The following SLC25A48 variants were observed in gnomAD, a reference collection of about 807,000 sequenced individuals.
SLC25A48 encodes solute carrier family 25 member 48.
Under a neutral mutation model 32.2 loss-of-function variants are expected in SLC25A48, and 29 were observed. That is an observed-to-expected ratio of 0.90 (90% CI 0.67 to 1.23). SLC25A48 has a LOEUF of 1.23. Ranked by LOEUF, SLC25A48 falls within the 50% of genes most tolerant of loss-of-function variation. The pLI is 0.00. For synonymous variants in SLC25A48, 164 were observed against 172.3 expected (o/e 0.95, Z 0.38); for missense variants, 399 against 422.7 (o/e 0.94, Z 0.49).
At chr5:135,785,156 G>A (rs78018149) in intron 3 of SLC25A48, among the ~76,000 whole-genome samples, 5,313 of 152,204 alleles carry the variant, frequency 0.035, 122 homozygotes, top group Non-Finnish European at 0.046. Flanking sequence ...CAGATTGTTC[G>A]TAATATGTAG....
intron 3 of SLC25A48, among the ~76,000 whole-genome samples, chr5:135,681,230 T>C (rs1312668084): frequency 2.0e-5 from 3 of 152,238 alleles, no homozygotes; most frequent in Non-Finnish European, 4.4e-5. Flanking sequence ...CACCTCGGCC[T>C]CCCAAAGTGC....
chr5:135,684,042 GA>G (rs1396806708), intron 3 of SLC25A48, among the ~76,000 whole-genome samples: 1 of 152,120 alleles, frequency 6.6e-6, no homozygotes, highest in Non-Finnish European at 1.5e-5. Context: ...CGGTTTTCTT[GA>G]ACATCTTCCA....
chr5:135,880,221 G>T (rs1762367139), intron 7 of SLC25A48, 124 bp downstream of exon 7: 1 of 1,358,334 alleles, frequency 7.4e-7, no homozygotes, highest in African/African-American at 1.5e-5. Flanking sequence ...CTAATCTGTG[G>T]TAGGCTGGGG....
At chr5:135,811,272 A>G (rs542096354) in intron 3 of SLC25A48, among the ~76,000 whole-genome samples, 54 of 152,362 alleles carry the variant, frequency 3.5e-4, no homozygotes, top group Admixed American at 9.8e-4. Context: ...CATTTGTGAC[A>G]TGGATGAGCC....
intron 3 of SLC25A48, among the ~76,000 whole-genome samples, chr5:135,707,672 C>A (rs185088523): frequency 6.6e-5 from 10 of 152,222 alleles, no homozygotes; most frequent in Non-Finnish European, 1.2e-4. Context: ...TCAGAGAGGC[C>A]ACCTGTGACC....
chr5:135,611,679 G>A (rs762359687), intron 1 of SLC25A48, among the ~76,000 whole-genome samples: 12 of 152,078 alleles, frequency 7.9e-5, no homozygotes, highest in East Asian at 1.9e-4. Context: ...ACCTCTGCAC[G>A]CCCACCTGGG....
At chr5:135,837,770 T>G (rs1415328940) in intron 1 of SLC25A48, among the ~76,000 whole-genome samples, 1 of 152,206 alleles carries the variant, frequency 6.6e-6, no homozygotes, top group Non-Finnish European at 1.5e-5. Context: ...TTGTGTGGCC[T>G]CCCCAGCCAT....
At chr5:135,786,529 A>G (rs1172557352) in intron 3 of SLC25A48, among the ~76,000 whole-genome samples, 1 of 152,104 alleles carries the variant, frequency 6.6e-6, no homozygotes, top group Non-Finnish European at 1.5e-5. Context: ...CCGTGGCTGT[A>G]TCTGATGTTT....
intron 3 of SLC25A48, among the ~76,000 whole-genome samples, chr5:135,679,914 C>T (rs947312315): frequency 1.3e-5 from 2 of 152,054 alleles, no homozygotes; most frequent in African/African-American, 2.4e-5. Context: ...CCAGGCGTAC[C>T]CCCTAGGTTA....
chr5:135,718,229 G>A (rs1754855822), intron 3 of SLC25A48, among the ~76,000 whole-genome samples: 1 of 152,098 alleles, frequency 6.6e-6, no homozygotes, highest in Admixed American at 6.5e-5. Context: ...GAGTCCCCTT[G>A]GCTCCCCAGC....
At chr5:135,853,801 T>G (rs1315681925) in intron 4 of SLC25A48, among the ~76,000 whole-genome samples, 1 of 152,190 alleles carries the variant, frequency 6.6e-6, no homozygotes, top group East Asian at 1.9e-4. Flanking sequence ...GAATGGTGAA[T>G]TTTTTCCAGA....
chr5:135,704,467 G>A (rs77437580), intron 3 of SLC25A48, among the ~76,000 whole-genome samples: 1 of 152,306 alleles, frequency 6.6e-6, no homozygotes, highest in East Asian at 1.9e-4. Flanking sequence ...GAGATGTGTG[G>A]TCTTTTGGCT....
At chr5:135,736,555 T>G (rs1296208702) in intron 3 of SLC25A48, among the ~76,000 whole-genome samples, 1 of 151,830 alleles carries the variant, frequency 6.6e-6, no homozygotes, top group African/African-American at 2.4e-5. Flanking sequence ...TGGGGAGTGC[T>G]TGCCCCTAAG....
chr5:135,761,412 G>T (rs912193137), intron 3 of SLC25A48, among the ~76,000 whole-genome samples: 1 of 152,016 alleles, frequency 6.6e-6, no homozygotes. Context: ...TAACAAACCT[G>T]CATGTTGTGC....
intron 3 of SLC25A48, among the ~76,000 whole-genome samples, chr5:135,759,993 C>A (rs150560528): frequency 0.012 from 1,853 of 151,990 alleles, 36 homozygotes; most frequent in African/African-American, 0.042. Flanking sequence ...CCACGTCCAG[C>A]TAATTTTTGT....
chr5:135,685,366 A>G (rs909299608), intron 3 of SLC25A48, among the ~76,000 whole-genome samples: 3 of 151,182 alleles, frequency 2.0e-5, no homozygotes, highest in African/African-American at 7.3e-5. Context: ...CGACTCTTGT[A>G]ATAGAAATTG....
chr5:135,862,012 CAGTA>C (rs1317807658), intron 4 of SLC25A48, among the ~76,000 whole-genome samples: 24 of 152,354 alleles, frequency 1.6e-4, no homozygotes, highest in African/African-American at 5.3e-4. Context: ...GTGCCTGTGA[CAGTA>C]AGGCACCTGT....
At chr5:135,697,932 C>T (rs1331781947) in intron 3 of SLC25A48, among the ~76,000 whole-genome samples, 11 of 152,250 alleles carry the variant, frequency 7.2e-5, no homozygotes, top group East Asian at 1.9e-4. Flanking sequence ...CATCCCCTCA[C>T]GGCTTCCCAT....
intron 1 of SLC25A48, among the ~76,000 whole-genome samples, chr5:135,590,385 C>A (rs1012118545): frequency 6.6e-6 from 1 of 152,202 alleles, no homozygotes. Context: ...TGCCCATGGG[C>A]CCCCGGCCCC....
Sources: gnomAD v4.1 joint callset for allele counts (sites outside exome capture counted in the v4.1 genomes callset) on GRCh38, gnomAD v4.1.1 for gene constraint, MANE v1.5 for transcripts, NCBI Gene and HGNC (gene_info 2026-07-23, HGNC 2026-07-21) for gene names.